Variants in SETBP1 observed in about 807,000 individuals in gnomAD.
SETBP1 encodes SET binding protein 1.
Under a neutral mutation model 101.0 loss-of-function variants are expected in SETBP1, and 9 were observed. The ratio of observed to expected loss-of-function variants is 0.09; its 90% CI spans 0.05 to 0.16. The LOEUF is 0.16. SETBP1 is among the 10% of genes least tolerant of loss of function. SETBP1 has a pLI of 1.00. For missense variants in SETBP1, 1,858 were observed against 2,033.8 expected (o/e 0.91, Z 1.66); for synonymous variants, 818 against 788.5 (o/e 1.04, Z -0.63).
intron 3 of SETBP1, among the ~76,000 whole-genome samples, chr18:44,892,953 T>G (rs1568203883): frequency 6.6e-6 from 1 of 152,180 alleles, no homozygotes; most frequent in Non-Finnish European, 1.5e-5. Flanking sequence ...GCTCCATGAC[T>G]TTAATAACAG....
At chr18:44,688,101 G>T (rs1359500186) in intron 1 of SETBP1, among the ~76,000 whole-genome samples, 4 of 152,178 alleles carry the variant, frequency 2.6e-5, no homozygotes, top group African/African-American at 9.7e-5. Context: ...TATTTAGGAA[G>T]AGGAAGCCTC....
chr18:45,033,813 C>A (rs2073344154), intron 4 of SETBP1, among the ~76,000 whole-genome samples: 1 of 152,130 alleles, frequency 6.6e-6, no homozygotes, highest in African/African-American at 2.4e-5. Flanking sequence ...AACAAAGAAC[C>A]AACTGGGAAT....
chr18:44,952,428 A>G lies in SETBP1; in HGVS notation c.3088A>G (p.Thr1030Ala). ...GRPAKTNDTM[T>A]KVPFLQGFSY... Reference sequence around the variant, plus strand: ...GCCTGCAAAAACCAATGACACCATGACAAAGGTGCCTTTTTTACAAGGGTT... The same window carrying G: ...GCCTGCAAAAACCAATGACACCATGGCAAAGGTGCCTTTTTTACAAGGGTT... Residue 1030 changes from threonine (T) to alanine (A), a missense_variant, in exon 4 of 6, where the codon ACA (threonine) becomes GCA (alanine). Physicochemically the swap from Thr to Ala is moderately conservative, Grantham distance 58. Around this residue, in one of 12 missense-constraint regions of SETBP1, gnomAD observed 255 missense variants for 300.1 expected, o/e 0.85. Coordinates refer to ENST00000649279, the MANE Select transcript of SETBP1 (RefSeq NM_015559.3). 6.2e-7 allele frequency: 1 copy of G among 1,614,178 alleles called. No individual in the cohort carries two copies. Among genetic ancestry groups the G allele is most frequent in the Non-Finnish European group, 8.5e-7 (1 of 1,180,040 alleles).
Position 45,038,718 on chromosome 18 carries a change from G to A in SETBP1, c.4171+63G>A, listed in dbSNP as rs2073450682. 9 of 1,561,664 alleles carry A rather than the reference G, an allele frequency of 5.8e-6. No homozygotes were observed. In the African/African-American group the frequency reaches 9.5e-5, roughly 16 times the overall value. On this transcript the variant is annotated intron_variant, in intron 5 of 5. Coordinates refer to ENST00000649279, the MANE Select transcript of SETBP1 (RefSeq NM_015559.3). ...AAGATGAATGTGGAGAAAGCCCACT[G>A]AGAATGGCCTGTTGAATACAGGTAA...
intron 2 of SETBP1, among the ~76,000 whole-genome samples, chr18:44,837,230 G>A (rs1238543996): frequency 6.6e-6 from 1 of 152,194 alleles, no homozygotes; most frequent in Non-Finnish European, 1.5e-5. Flanking sequence ...CAAGTAGAAA[G>A]TGTGAACTGA....
In SETBP1 at chr18:44,952,650, T is replaced by A; in HGVS notation, c.3310T>A (p.Ser1104Thr). ...CCACACAAACTCCCACGTAAAGATGTCCGGTGCAGCTAAGCATAAAGCCAA... is the reference window on the plus strand; with the variant it reads ...CCACACAAACTCCCACGTAAAGATGACCGGTGCAGCTAAGCATAAAGCCAA... Reference protein sequence around the residue: ...QFHTNSHVKMSGAAKHKAKHG... With the variant: ...QFHTNSHVKMTGAAKHKAKHG... Residue 1104 changes from serine (S) to threonine (T), a missense_variant, in exon 4 of 6, where the codon TCC becomes ACC. Physicochemically the swap from Ser to Thr is moderately conservative, Grantham distance 58. This residue lies in a region of SETBP1 where 255 missense variants were observed against 300.1 expected (regional missense o/e 0.85). Coordinates refer to ENST00000649279, the MANE Select transcript of SETBP1 (RefSeq NM_015559.3). 1.2e-6 allele frequency: 2 copies of A among 1,613,986 alleles called. No individual in the cohort carries two copies. The highest frequency in any genetic ancestry group is 1.7e-6 in the Non-Finnish European group (2 of 1,179,960).
chr18:45,010,916 A>G (rs1872407018), intron 4 of SETBP1, among the ~76,000 whole-genome samples: 1 of 152,206 alleles, frequency 6.6e-6, no homozygotes. Flanking sequence ...AAGGAAAGCA[A>G]AGTTCTAATT....
At chr18:45,041,741 C>T (rs1425003398) in intron 5 of SETBP1, among the ~76,000 whole-genome samples, 1 of 152,146 alleles carries the variant, frequency 6.6e-6, no homozygotes, top group Non-Finnish European at 1.5e-5. Flanking sequence ...GTGGGTGGAT[C>T]ACCTGAGGTC....
At chr18:44,930,257 G>C (rs2070798880) in intron 3 of SETBP1, among the ~76,000 whole-genome samples, 1 of 152,128 alleles carries the variant, frequency 6.6e-6, no homozygotes, top group East Asian at 1.9e-4. Context: ...TGCATATGTT[G>C]AACCAGCCTT....
intron 2 of SETBP1, among the ~76,000 whole-genome samples, chr18:44,844,019 C>A (rs972408749): frequency 1.3e-5 from 2 of 152,032 alleles, no homozygotes; most frequent in Non-Finnish European, 2.9e-5. Flanking sequence ...ATCTTTTTAC[C>A]AAAGGCTCAA....
chr18:44,894,903 A>G (rs1299571592), intron 3 of SETBP1, among the ~76,000 whole-genome samples: 2 of 150,984 alleles, frequency 1.3e-5, no homozygotes, highest in East Asian at 4.0e-4. Context: ...GCTCAAGGCC[A>G]GGAGTTCAAA....
At chr18:45,013,241 C>G (rs1044339688) in intron 4 of SETBP1, among the ~76,000 whole-genome samples, 6 of 152,194 alleles carry the variant, frequency 3.9e-5, no homozygotes, top group Non-Finnish European at 8.8e-5. Context: ...CTTGGCCCCA[C>G]CCTGCCTACC....
chr18:44,881,978 A>T (rs2069540029), intron 3 of SETBP1, among the ~76,000 whole-genome samples: 1 of 152,156 alleles, frequency 6.6e-6, no homozygotes, highest in Non-Finnish European at 1.5e-5. Context: ...AATAACAAAC[A>T]TGTAGCTCTG....
chr18:44,860,878 G>A (rs1057194361), intron 2 of SETBP1, among the ~76,000 whole-genome samples: 5 of 152,258 alleles, frequency 3.3e-5, no homozygotes, highest in South Asian at 2.1e-4. Flanking sequence ...AGTAGGAGAC[G>A]ACTATCTTAG....
intron 2 of SETBP1, among the ~76,000 whole-genome samples, chr18:44,821,159 C>G (rs1485932481): frequency 6.6e-6 from 1 of 152,188 alleles, no homozygotes; most frequent in Non-Finnish European, 1.5e-5. Flanking sequence ...CAGGCATAAT[C>G]TCTTTGTGCC....
In SETBP1 at chr18:44,911,943, A is replaced by C. The variant is rs570375286; in HGVS notation, c.541-37938A>C. Among the ~76,000 whole-genome samples the C allele has an allele frequency of 4.7e-5, 7 of 150,434 alleles. No individual in the cohort carries two copies. In the East Asian group the frequency reaches 1.2e-3, roughly 25 times the overall value. ...TGTGTGCTCCTGCATACACACACCC[A>C]CACACACACACACACATAGGCACAA... On this transcript the variant is annotated intron_variant, in intron 3 of 5. Transcript: ENST00000649279.
chr18:44,858,135 TGAG>T (rs2073012678), intron 2 of SETBP1, among the ~76,000 whole-genome samples: 1 of 152,364 alleles, frequency 6.6e-6, no homozygotes, highest in Non-Finnish European at 1.5e-5. Context: ...GAAGTTGTCA[TGAG>T]AAGAATCTAG....
intron 5 of SETBP1, among the ~76,000 whole-genome samples, chr18:45,042,507 C>A (rs1475985411): frequency 2.6e-5 from 4 of 152,134 alleles, no homozygotes; most frequent in Non-Finnish European, 5.9e-5. Context: ...AATTTATCAA[C>A]CTGTAGTAAG....
intron 1 of SETBP1, among the ~76,000 whole-genome samples, chr18:44,700,783 C>A (rs1393629850): frequency 1.3e-5 from 2 of 152,090 alleles, no homozygotes; most frequent in Non-Finnish European, 2.9e-5. Flanking sequence ...AAAAGCCAAC[C>A]AAATACAGTT....
Sources: gnomAD v4.1 joint callset for allele counts (sites outside exome capture counted in the v4.1 genomes callset) on GRCh38, gnomAD v4.1.1 for gene constraint, gnomAD v4.1.1 regional missense constraint, MANE v1.5 for transcripts, NCBI Gene and HGNC (gene_info 2026-07-23, HGNC 2026-07-21) for gene names.